Variants in IFI16 observed in about 807,000 individuals in gnomAD.
IFI16 encodes the protein interferon gamma inducible protein 16, also known as gamma-interferon-inducible protein 16.
In IFI16, 49 loss-of-function variants were observed where a neutral mutation model predicts 68.4. The observed-to-expected ratio is 0.72, with a 90% CI of 0.57 to 0.91. IFI16 has a LOEUF of 0.91. IFI16 is among the 40% of genes least tolerant of loss of function. The pLI is 0.00. For synonymous variants in IFI16, 307 were observed against 315.0 expected (o/e 0.97, Z 0.27); for missense variants, 878 against 942.9 (o/e 0.93, Z 0.90).
upstream of IFI16, among the ~76,000 whole-genome samples, chr1:159,004,433 C>G (rs1292033755): frequency 6.6e-6 from 1 of 150,720 alleles, no homozygotes; most frequent in Non-Finnish European, 1.5e-5. Flanking sequence ...AGCCGGGCAT[C>G]GTGACTCACG....
chr1:159,042,926 A>G (rs2101902476), intron 7 of IFI16, among the ~76,000 whole-genome samples: 1 of 152,302 alleles, frequency 6.6e-6, no homozygotes, highest in South Asian at 2.1e-4. Flanking sequence ...AGGTATGGGC[A>G]GGGAAATACT....
rs539012485 is a variant in IFI16 at position 159,048,169 on chromosome 1, C to G, written c.1498-1263C>G. ...AAGGGCATCATAAAGCATGAAATAGCTGTTCATCAGAGCAGACACGCAAAC... is the reference window on the plus strand; with the variant it reads ...AAGGGCATCATAAAGCATGAAATAGGTGTTCATCAGAGCAGACACGCAAAC... On this transcript the variant is annotated intron_variant, in intron 8 of 11. Transcript: ENST00000295809. Among the ~76,000 whole-genome samples the G allele has an allele frequency of 3.3e-5, 5 of 151,280 alleles. No homozygotes were observed. The South Asian group carries it at 1.0e-3, about 32-fold the overall frequency.
upstream of IFI16, among the ~76,000 whole-genome samples, chr1:159,004,550 C>G (rs1056615031): frequency 1.3e-5 from 2 of 152,042 alleles, no homozygotes; most frequent in Admixed American, 6.6e-5. Context: ...ACTGAAAATA[C>G]AGAAATTAGC....
upstream of IFI16, among the ~76,000 whole-genome samples, chr1:159,003,660 AT>A (rs1652143303): frequency 1.3e-5 from 2 of 151,644 alleles, no homozygotes; most frequent in Admixed American, 1.3e-4. Context: ...TATTATTATT[AT>A]TATTATTATT....
chr1:159,023,626 CT>C (rs894845031), intron 6 of IFI16, among the ~76,000 whole-genome samples: 4,498 of 145,848 alleles, frequency 0.031, 101 homozygotes, highest in African/African-American at 0.061. Context: ...TTGTTTTTAC[CT>C]TTTTTTTTTT....
intron 8 of IFI16, among the ~76,000 whole-genome samples, chr1:159,046,217 C>T (rs551583528): frequency 1.3e-5 from 2 of 151,278 alleles, no homozygotes; most frequent in African/African-American, 4.8e-5. Flanking sequence ...TCTCTCAGAT[C>T]TTCTTTCATT....
chr1:159,022,124 C>A (rs1037496256), intron 6 of IFI16, among the ~76,000 whole-genome samples: 5 of 151,974 alleles, frequency 3.3e-5, no homozygotes, highest in African/African-American at 1.2e-4. Context: ...CCACCGCCCC[C>A]GGCTAAATTT....
At position 159,046,619 on chromosome 1, in the gene IFI16, C is replaced by T. The variant is rs906965555; in HGVS notation, c.1497+1155C>T. 5.3e-5 allele frequency among the ~76,000 whole-genome samples: 8 copies of T among 151,008 alleles called. 1 individual carries two copies. The highest frequency in any genetic ancestry group is 8.9e-5 in the Non-Finnish European group (6 of 67,518). On this transcript the variant is annotated intron_variant, in intron 8 of 11. Transcript: ENST00000295809. ...AATCCTTTCTCTTTTGCTCTCTCAC[C>T]ATACATCAGAGGTTAGTTTCACTAT...
intron 7 of IFI16, among the ~76,000 whole-genome samples, chr1:159,034,136 T>A (rs1183049357): frequency 3.3e-5 from 5 of 152,242 alleles, no homozygotes; most frequent in Non-Finnish European, 7.3e-5. Context: ...AGCAGAATTC[T>A]GCATCTGGAA....
At chr1:159,053,988 T>A (rs1655522795) in intron 11 of IFI16, among the ~76,000 whole-genome samples, 1 of 152,234 alleles carries the variant, frequency 6.6e-6, no homozygotes. Flanking sequence ...AATGTGGAGA[T>A]AATTTAATAA....
chr1:159,025,399 A>G (rs1430555721), intron 6 of IFI16, among the ~76,000 whole-genome samples: 2 of 152,220 alleles, frequency 1.3e-5, no homozygotes, highest in African/African-American at 2.4e-5. Context: ...GTTAAATTTT[A>G]CCTTTATATT....
chr1:159,017,495 G>A (rs1653006033), intron 4 of IFI16, among the ~76,000 whole-genome samples: 1 of 150,720 alleles, frequency 6.6e-6, no homozygotes, highest in Non-Finnish European at 1.5e-5. Context: ...AGTATTTATT[G>A]ATCATTTTAA....
chr1:159,034,903 T>C (rs951639698), intron 7 of IFI16, among the ~76,000 whole-genome samples: 2 of 152,220 alleles, frequency 1.3e-5, no homozygotes, highest in African/African-American at 4.8e-5. Context: ...GCTATGTGCA[T>C]CAATTCTTAT....
upstream of IFI16, among the ~76,000 whole-genome samples, chr1:159,001,449 G>C (rs1176229895): frequency 6.6e-6 from 1 of 152,134 alleles, no homozygotes; most frequent in Non-Finnish European, 1.5e-5. Flanking sequence ...ATAGACAGGT[G>C]ATAGCTAGAG....
At chr1:159,017,630 C>T (rs1653014137) in intron 4 of IFI16, among the ~76,000 whole-genome samples, 1 of 150,644 alleles carries the variant, frequency 6.6e-6, no homozygotes, top group South Asian at 2.1e-4. Flanking sequence ...GTTGTTGAGA[C>T]AGAGTCTCGC....
intron 4 of IFI16, 32 bp downstream of exon 4, chr1:159,016,732 T>G: frequency 6.3e-7 from 1 of 1,583,180 alleles, no homozygotes; most frequent in Non-Finnish European, 8.6e-7. Flanking sequence ...TTTGCTTTGT[T>G]TTTTTCAACC....
chr1:159,020,950 T>C (rs1455953096), intron 6 of IFI16, among the ~76,000 whole-genome samples: 8 of 152,116 alleles, frequency 5.3e-5, no homozygotes, highest in Admixed American at 5.2e-4. Flanking sequence ...AAACTTAAAA[T>C]TATTTGCAGT....
At chr1:159,038,102 T>C (rs1439946566) in intron 7 of IFI16, among the ~76,000 whole-genome samples, 1 of 152,244 alleles carries the variant, frequency 6.6e-6, no homozygotes, top group East Asian at 1.9e-4. Context: ...GATTCATATC[T>C]AGTTTTAGTC....
At chr1:159,044,785 G>T (rs1654878091) in intron 7 of IFI16, among the ~76,000 whole-genome samples, 4 of 152,140 alleles carry the variant, frequency 2.6e-5, no homozygotes, top group African/African-American at 9.7e-5. Flanking sequence ...AGTGATCATA[G>T]AACCTTCCCT....
Sources: allele counts gnomAD v4.1 joint callset (sites outside exome capture counted in the v4.1 genomes callset), GRCh38; gene constraint gnomAD v4.1.1; transcripts MANE v1.5; gene names NCBI Gene and HGNC (gene_info 2026-07-23, HGNC 2026-07-21).